Variants in GCNT4 observed in about 807,000 individuals in gnomAD.
GCNT4 encodes beta-1,3-galactosyl-O-glycosyl-glycoprotein beta-1,6-N-acetylglucosaminyltransferase 4.
A neutral mutation model predicts 31.3 loss-of-function variants in GCNT4; 17 were observed. The ratio of observed to expected loss-of-function variants is 0.54; its 90% CI spans 0.37 to 0.81. The LOEUF is 0.81. Among genes scored for constraint, GCNT4 ranks in the 40% least tolerant of loss-of-function variants. The probability of loss-of-function intolerance (pLI) is 0.00; values close to 1 mark genes in which losing one functional copy is unlikely to be tolerated. For synonymous variants in GCNT4, 158 were observed against 190.6 expected (o/e 0.83, Z 1.41); for missense variants, 503 against 525.5 (o/e 0.96, Z 0.42).
intron 3 of GCNT4, among the ~76,000 whole-genome samples, chr5:75,041,061 T>C (rs900090837): frequency 6.6e-6 from 1 of 152,242 alleles, no homozygotes; most frequent in African/African-American, 2.4e-5. Context: ...CTAAACGCGG[T>C]CTGTAAGTAT....
chr5:75,023,523 C>CAA (rs529493022), downstream of GCNT4, among the ~76,000 whole-genome samples: 6 of 143,984 alleles, frequency 4.2e-5, no homozygotes, highest in Non-Finnish European at 9.2e-5. Flanking sequence ...TTTATGACAG[C>CAA]AAAAAAAAAA....
intron 2 of GCNT4, among the ~76,000 whole-genome samples, chr5:75,050,760 A>T (rs867026694): frequency 1.3e-4 from 19 of 148,974 alleles, no homozygotes; most frequent in Admixed American, 2.0e-4. Flanking sequence ...CCTACACAAA[A>T]CTCAGCCCCA....
Position 75,029,254 on chromosome 5 carries a change from A to G in GCNT4, c.784T>C (p.Leu262=). Residue 262 remains leucine (L), a synonymous_variant, in exon 4 of 4, where the codon TTG becomes CTG. Coordinates refer to ENST00000652361, the MANE Select transcript of GCNT4 (RefSeq NM_001366737.1). ...TCATGATGGTAAGTGAATCTTTCCA[A>G]TTTACTGTTTGGGGGTTTCACCGTC... ...LETVKPPNSK[L]ERFTYHHELR... is the part of the protein sequence containing the mutation. 1.2e-6 allele frequency: 2 copies of G among 1,614,068 alleles called. No homozygotes were observed. Among genetic ancestry groups the G allele is most frequent in the Middle Eastern group, 1.7e-4 (1 of 6,060 alleles).
chr5:75,046,174 G>A (rs1029720865), intron 3 of GCNT4, among the ~76,000 whole-genome samples: 1 of 151,920 alleles, frequency 6.6e-6, no homozygotes, highest in African/African-American at 2.4e-5. Context: ...TCTTTCTCCT[G>A]ACACATCTGC....
At position 75,052,244 on chromosome 5, in the gene GCNT4, C is replaced by CAAAAAAAAAAAAAAA. The variant is rs200517667; in HGVS notation, c.-201-32_-201-18dup. On this transcript the variant is annotated splice_polypyrimidine_tract_variant and intron_variant, in intron 1 of 3. Transcript: ENST00000652361. ...TTTGTTGTTCTTCCATTTTTAAAGACAAAAAAAAAAAAAAAAAGAAAAAGA... is the reference window on the plus strand; with the variant it reads ...TTTGTTGTTCTTCCATTTTTAAAGACAAAAAAAAAAAAAAAAAAAAAAAAAAAAAAAAGAAAAAGA... The CAAAAAAAAAAAAAAA allele has an allele frequency of 1.4e-4, 13 of 95,010 alleles. No homozygotes were observed. The highest frequency in any genetic ancestry group is 3.4e-4 in the South Asian group (1 of 2,906). 5.9% of individuals were successfully genotyped at this position (95,010 alleles called of 1,614,324 possible). A position where few individuals can be genotyped will look rare whatever the true frequency, so the allele number is the denominator to read the frequency against.
At chr5:75,034,297 G>A (rs1743149521) in intron 3 of GCNT4, among the ~76,000 whole-genome samples, 1 of 152,222 alleles carries the variant, frequency 6.6e-6, no homozygotes, top group African/African-American at 2.4e-5. Context: ...GCTCTGCAGG[G>A]GGTACACCCC....
At position 75,025,630 on chromosome 5, in the gene GCNT4, T is replaced by C. The variant is rs962144161; in HGVS notation, c.*3046A>G. ...ACAAAGTGGATTATCATTTTTATTT[T>C]CCATGAAATATGTCAAAATATATGC... On this transcript the variant is annotated 3_prime_UTR_variant, in exon 4 of 4. Coordinates refer to ENST00000652361, the MANE Select transcript of GCNT4 (RefSeq NM_001366737.1). 3.3e-5 allele frequency: 5 copies of C among 152,224 alleles called. No individual in the cohort carries two copies. The highest frequency in any genetic ancestry group is 7.2e-5 in the African/African-American group (3 of 41,458). The allele number at this position is 152,224 out of a possible 1,614,324, so 9.4% of individuals were successfully genotyped here. A position where few individuals can be genotyped will look rare whatever the true frequency, so the allele number is the denominator to read the frequency against.
At chr5:75,049,420 T>C (rs2149978801) in intron 2 of GCNT4, among the ~76,000 whole-genome samples, 1 of 152,272 alleles carries the variant, frequency 6.6e-6, no homozygotes, top group Middle Eastern at 3.4e-3. Context: ...ACTGATCCAA[T>C]CCTGTCTCCA....
chr5:75,032,872 G>GGTGGGTGTGTGTGT lies in GCNT4; in HGVS notation c.-1-2835_-1-2834insACACACACACCCAC, dbSNP rs55942109. Among the ~76,000 whole-genome samples, 973 of 130,726 alleles carry GGTGGGTGTGTGTGT rather than the reference G, an allele frequency of 7.4e-3. 20 individuals are homozygous for GGTGGGTGTGTGTGT. Among genetic ancestry groups the GGTGGGTGTGTGTGT allele is most frequent in the Non-Finnish European group, 0.011 (667 of 59,038 alleles). 85.8% of individuals were successfully genotyped at this position (130,726 alleles called of 152,430 possible). ...AGAAGACTAATCAATCCCAAATAGG[G>GGTGGGTGTGTGTGT]GTGTGTGTGTGTGTGTGTGTGTGTG... On this transcript the variant is annotated intron_variant, in intron 3 of 3. Transcript: ENST00000652361.
At chr5:75,043,765 CCG>C (rs1470617621) in intron 3 of GCNT4, among the ~76,000 whole-genome samples, 1 of 152,162 alleles carries the variant, frequency 6.6e-6, no homozygotes, top group Non-Finnish European at 1.5e-5. Flanking sequence ...TGAAAGATGA[CCG>C]TAGGAAAAGG....
intron 3 of GCNT4, among the ~76,000 whole-genome samples, chr5:75,034,954 G>A (rs1221389179): frequency 2.1e-5 from 3 of 144,038 alleles, no homozygotes; most frequent in Non-Finnish European, 3.1e-5. Flanking sequence ...AAGCGGACAC[G>A]ACCGCATTCA....
chr5:75,033,646 G>A (rs964727089), intron 3 of GCNT4, among the ~76,000 whole-genome samples: 1 of 149,880 alleles, frequency 6.7e-6, no homozygotes, highest in African/African-American at 2.5e-5. Flanking sequence ...ACCACGGCCA[G>A]AAATCCCTTT....
Position 75,033,641 on chromosome 5 carries a change from G to A in GCNT4, c.-1-3603C>T, listed in dbSNP as rs558959792. Among the ~76,000 whole-genome samples, 10 of 150,970 alleles carry A rather than the reference G, an allele frequency of 6.6e-5. No homozygotes were observed. The South Asian group carries it at 1.9e-3, about 29-fold the overall frequency. Reference sequence around the variant, plus strand: ...TAAAACCCCTTCACCTGCTTACCACGGCCAGAAATCCCTTTATTTATTTAT... The same window carrying A: ...TAAAACCCCTTCACCTGCTTACCACAGCCAGAAATCCCTTTATTTATTTAT... On this transcript the variant is annotated intron_variant, in intron 3 of 3. Transcript: ENST00000652361.
In GCNT4 at chr5:75,029,694, G is replaced by A. The variant is rs770451145; in HGVS notation, c.344C>T (p.Thr115Ile). The A allele has an allele frequency of 1.2e-6, 2 of 1,614,098 alleles. No homozygotes were observed. The highest frequency in any genetic ancestry group is 1.7e-6 in the Non-Finnish European group (2 of 1,180,004). ...AMTSDCDIYQ[T>I]LRGYAQKLVS... ...AAGCTTTTGAGCATAACCTCTTAGA[G>A]TCTGATAAATGTCACAATCACTGGT... The change falls in exon 4 of 4, where the codon ACT (threonine) becomes ATT (isoleucine). Residue 115 changes from threonine to isoleucine, a missense_variant. By Grantham distance (89) the Thr-to-Ile change is moderately conservative. Transcript: ENST00000652361.
the GCNT4 span, among the ~76,000 whole-genome samples, chr5:75,017,117 C>A: frequency 1.3e-5 from 2 of 152,224 alleles, no homozygotes; most frequent in Non-Finnish European, 2.9e-5. Context: ...CAGCACCTAG[C>A]GTGATGCCTA....
Position 75,052,204 on chromosome 5 carries a change from C to CT in GCNT4, c.-179dup, listed in dbSNP as rs1386621563. 1.3e-3 allele frequency: 194 copies of CT among 144,488 alleles called. No homozygotes were observed. Among genetic ancestry groups the CT allele is most frequent in the African/African-American group, 4.8e-3 (185 of 38,598 alleles). The allele number at this position is 144,488 out of a possible 1,614,324, so 9.0% of individuals were successfully genotyped here. A position where few individuals can be genotyped will look rare whatever the true frequency, so the allele number is the denominator to read the frequency against. ...TAAACGCATTATATTAGCCCCAACT[C>CT]TGTTAATCTTCTGGTTTGTTGTTCT... On this transcript the variant is annotated 5_prime_UTR_variant, in exon 2 of 4. Transcript: ENST00000652361.
At chr5:75,023,761 T>G (rs1165408370), downstream of GCNT4, 2 of 152,240 alleles carry the variant, frequency 1.3e-5, no homozygotes, top group African/African-American at 2.4e-5. Context: ...CTGTTTAATT[T>G]CCTTTATTGT....
intron 2 of GCNT4, among the ~76,000 whole-genome samples, chr5:75,051,726 T>G (rs1172178741): frequency 1.3e-5 from 2 of 152,214 alleles, no homozygotes; most frequent in Non-Finnish European, 2.9e-5. Context: ...ACTATGCCAT[T>G]CACCCCACCT....
chr5:75,029,243 G>C lies in GCNT4; in HGVS notation c.795C>G (p.Phe265Leu). 5 of 1,614,100 alleles carry C rather than the reference G, an allele frequency of 3.1e-6. No homozygotes were observed. The highest frequency in any genetic ancestry group is 4.2e-6 in the Non-Finnish European group (5 of 1,180,010). Residue 265 changes from phenylalanine to leucine, a missense_variant, in exon 4 of 4, where the codon TTC becomes TTG. Coordinates refer to ENST00000652361, the MANE Select transcript of GCNT4 (RefSeq NM_001366737.1). ...CCCGTCTAAGTTCATGATGGTAAGT[G>C]AATCTTTCCAATTTACTGTTTGGGG... is the stretch of plus-strand genomic sequence containing the variant. ...VKPPNSKLER[F>L]TYHHELRRVP...
Sources: allele counts gnomAD v4.1 joint callset (sites outside exome capture counted in the v4.1 genomes callset), GRCh38; gene constraint gnomAD v4.1.1; transcripts MANE v1.5; gene names NCBI Gene and HGNC (gene_info 2026-07-23, HGNC 2026-07-21).